Variants in UBE2D1 observed in about 807,000 individuals in gnomAD.
UBE2D1 encodes ubiquitin conjugating enzyme E2 D1.
In UBE2D1, 9 loss-of-function variants were observed where a neutral mutation model predicts 24.6. That is an observed-to-expected ratio of 0.37 (90% CI 0.22 to 0.64). UBE2D1 has a LOEUF of 0.64. Ranked by LOEUF, UBE2D1 falls within the 30% of genes least tolerant of loss-of-function variation. The pLI, the probability that UBE2D1 is intolerant of heterozygous loss-of-function variation, is 0.64. For missense variants in UBE2D1, 87 were observed against 177.1 expected (o/e 0.49, Z 2.89); for synonymous variants, 57 against 57.6 (o/e 0.99, Z 0.04).
chr10:58,360,431 G>GA (rs112317823), intron 1 of UBE2D1, among the ~76,000 whole-genome samples: 8,699 of 146,506 alleles, frequency 0.059, 526 homozygotes, highest in African/African-American at 0.15. Flanking sequence ...TCTGTTAGAG[G>GA]AAAAAAAAAA....
At chr10:58,346,579 G>A (rs888392391) in intron 1 of UBE2D1, among the ~76,000 whole-genome samples, 8 of 152,122 alleles carry the variant, frequency 5.3e-5, no homozygotes, top group South Asian at 2.1e-4. Flanking sequence ...ATCTTCTGCC[G>A]AAAAGGAAGC....
rs1459770644 is a variant in UBE2D1, at chr10:58,370,698, T to C, written c.*1933T>C. On this transcript the variant is annotated 3_prime_UTR_variant, in exon 7 of 7. Coordinates refer to ENST00000373910, the MANE Select transcript of UBE2D1 (RefSeq NM_003338.5). ...AAACAACTTTCATTTGTGTGGCATT[T>C]ATTTTTGGAAGTGTCTTCTTTTTTT... 1.3e-5 allele frequency: 2 copies of C among 152,396 alleles called. No homozygotes were observed. Among genetic ancestry groups the C allele is most frequent in the East Asian group, 3.8e-4 (2 of 5,220 alleles). 9.4% of individuals were successfully genotyped at this position (152,396 alleles called of 1,614,324 possible).
intron 1 of UBE2D1, among the ~76,000 whole-genome samples, chr10:58,341,897 C>T (rs192245913): frequency 5.9e-5 from 9 of 152,298 alleles, no homozygotes; most frequent in Admixed American, 5.2e-4. Flanking sequence ...CCTCTCTCCT[C>T]TCCTGTGAAA....
rs1840124228 is a variant in UBE2D1, at chr10:58,355,707, T to C, written c.25-5631T>C. 2.0e-5 allele frequency among the ~76,000 whole-genome samples: 3 copies of C among 152,194 alleles called. No individual in the cohort carries two copies. The South Asian group carries it at 6.2e-4, about 32-fold the overall frequency. On this transcript the variant is annotated intron_variant, in intron 1 of 6. Transcript: ENST00000373910. The stretch of plus-strand genomic sequence containing the variant: ...TCTAACATTTTGAAATAATTTTGTC[T>C]TACAAAAAAGTTGTTAAAATAATAA...
intron 1 of UBE2D1, among the ~76,000 whole-genome samples, chr10:58,345,852 G>A (rs1840009534): frequency 6.6e-6 from 1 of 152,068 alleles, no homozygotes; most frequent in African/African-American, 2.4e-5. Context: ...GGCTTATTTG[G>A]GAAGGAGCAG....
intron 1 of UBE2D1, among the ~76,000 whole-genome samples, chr10:58,358,879 G>C (rs1350016288): frequency 6.6e-6 from 1 of 151,420 alleles, no homozygotes; most frequent in Non-Finnish European, 1.5e-5. Flanking sequence ...TCCTGCCTCA[G>C]CCTCCCAAGT....
At chr10:58,350,577 C>A (rs999577677) in intron 1 of UBE2D1, among the ~76,000 whole-genome samples, 4 of 151,994 alleles carry the variant, frequency 2.6e-5, no homozygotes, top group Admixed American at 6.6e-5. Context: ...TTTTAATGTG[C>A]CTTTTGGTGA....
intron 1 of UBE2D1, among the ~76,000 whole-genome samples, chr10:58,344,616 T>C (rs1355432821): frequency 6.6e-6 from 1 of 152,302 alleles, no homozygotes; most frequent in South Asian, 2.1e-4. Flanking sequence ...CTTTGAAATA[T>C]CAGATTTGAA....
intron 1 of UBE2D1, among the ~76,000 whole-genome samples, chr10:58,354,740 C>G (rs1840112652): frequency 6.6e-6 from 1 of 152,052 alleles, no homozygotes; most frequent in South Asian, 2.1e-4. Context: ...GAAGCTGAGG[C>G]AGGAGAATCA....
intron 5 of UBE2D1, among the ~76,000 whole-genome samples, chr10:58,366,752 T>G (rs1234069185): frequency 6.6e-6 from 1 of 152,046 alleles, no homozygotes; most frequent in Non-Finnish European, 1.5e-5. Context: ...CTTATTATTT[T>G]TATTTTTTTA....
At chr10:58,363,986 T>G (rs1275006404) in intron 4 of UBE2D1, among the ~76,000 whole-genome samples, 1 of 152,114 alleles carries the variant, frequency 6.6e-6, no homozygotes, top group Non-Finnish European at 1.5e-5. Flanking sequence ...GTCAGACTTT[T>G]CTATTCATGG....
At chr10:58,357,676 G>A (rs529810477) in intron 1 of UBE2D1, among the ~76,000 whole-genome samples, 1 of 152,018 alleles carries the variant, frequency 6.6e-6, no homozygotes, top group Non-Finnish European at 1.5e-5. Context: ...ACGCATCCTA[G>A]TTTCAGTTAC....
chr10:58,337,825 G>A (rs1839919016), intron 1 of UBE2D1, among the ~76,000 whole-genome samples: 1 of 152,116 alleles, frequency 6.6e-6, no homozygotes, highest in Admixed American at 6.6e-5. Flanking sequence ...GGCCTGGAGT[G>A]GAGGAGTGCT....
At position 58,363,505 on chromosome 10, in the gene UBE2D1, C is replaced by G. The variant is rs141187145; in HGVS notation, c.121-104C>G. The stretch of plus-strand genomic sequence containing the variant: ...TAATATTTAATGAAATTATTTTAAA[C>G]ATGATGGCATTTTTTTCAAACTGAT... On this transcript the variant is annotated intron_variant, in intron 3 of 6. Transcript: ENST00000373910. The G allele has an allele frequency of 3.4e-4, 248 of 722,948 alleles. 3 individuals are homozygous for G. In the East Asian group the frequency reaches 7.5e-3, roughly 22 times the overall value. 44.8% of individuals were successfully genotyped at this position (722,948 alleles called of 1,614,324 possible).
chr10:58,349,616 T>C (rs1433436494), intron 1 of UBE2D1, among the ~76,000 whole-genome samples: 1 of 152,204 alleles, frequency 6.6e-6, no homozygotes, highest in East Asian at 1.9e-4. Context: ...CTTTTTTTTA[T>C]GTTATCATTA....
chr10:58,364,668 A>T (rs1564562589), intron 4 of UBE2D1, 103 bp from the exon 5 acceptor site: 3 of 735,998 alleles, frequency 4.1e-6, no homozygotes, highest in South Asian at 3.5e-5. Context: ...CTCTAAAGTT[A>T]TGTAAAGTTG....
At chr10:58,336,116 C>T (rs1053443365) in intron 1 of UBE2D1, among the ~76,000 whole-genome samples, 34 of 152,104 alleles carry the variant, frequency 2.2e-4, no homozygotes, top group Non-Finnish European at 4.4e-4. Context: ...TATTTATTGC[C>T]ACCATTTCAG....
At chr10:58,367,070 C>A (rs1840263521) in intron 5 of UBE2D1, among the ~76,000 whole-genome samples, 1 of 152,000 alleles carries the variant, frequency 6.6e-6, no homozygotes, top group African/African-American at 2.4e-5. Flanking sequence ...GTTCATAACA[C>A]CCCCCCACCC....
At chr10:58,365,718 T>C (rs1363203197) in intron 5 of UBE2D1, among the ~76,000 whole-genome samples, 3 of 152,212 alleles carry the variant, frequency 2.0e-5, no homozygotes, top group Non-Finnish European at 4.4e-5. Context: ...AACCTGACAG[T>C]TGGAAAATAC....
Sources: allele counts gnomAD v4.1 joint callset (sites outside exome capture counted in the v4.1 genomes callset), GRCh38; gene constraint gnomAD v4.1.1; transcripts MANE v1.5; gene names NCBI Gene and HGNC (gene_info 2026-07-23, HGNC 2026-07-21).